RBMS1: variants seen among roughly 807,000 people sequenced by gnomAD.
The protein encoded by RBMS1 is RNA-binding motif, single-stranded-interacting protein 1.
RBMS1 carries 17 observed loss-of-function variants against 62.3 expected under a neutral mutation model. That is an observed-to-expected ratio of 0.27 (90% confidence interval 0.19 to 0.41). The LOEUF (loss-of-function observed/expected upper bound fraction) is 0.41. RBMS1 is among the 10% of genes least tolerant of loss of function. The pLI is 1.00. For missense variants in RBMS1, 334 were observed against 504.5 expected (o/e 0.66, Z 3.24); for synonymous variants, 172 against 170.0 (o/e 1.01, Z -0.09).
chr2:160,455,157 C>A lies in RBMS1; in HGVS notation c.75+38132G>T, dbSNP rs114702230. 7.4e-3 allele frequency among the ~76,000 whole-genome samples: 1,125 copies of A among 152,218 alleles called. 18 individuals carry two copies. The highest frequency in any genetic ancestry group is 0.024 in the African/African-American group (1,015 of 41,528). The stretch of plus-strand genomic sequence containing the variant: ...TAAAGCCTCTTTTCAAGAAAAAGAC[C>A]GGTATCTGATGTCAATTGAAACTCA... On this transcript the variant is annotated intron_variant, in intron 1 of 13. Coordinates refer to ENST00000348849, the MANE Select transcript of RBMS1 (RefSeq NM_016836.4).
rs114072659 is a variant in RBMS1, at chr2:160,327,512, C to A, written c.252-9285G>T. 3.9e-3 allele frequency among the ~76,000 whole-genome samples: 589 copies of A among 151,922 alleles called. 6 individuals are homozygous for A. Among genetic ancestry groups the A allele is most frequent in the African/African-American group, 0.014 (572 of 41,548 alleles). ...ATTATAAAGCATTTGATTTATTACA[C>A]AGACTTGCTATTATAGTTTAGTATC... is the stretch of plus-strand genomic sequence containing the variant. On this transcript the variant is annotated intron_variant, in intron 2 of 13. Coordinates refer to ENST00000348849, the MANE Select transcript of RBMS1 (RefSeq NM_016836.4).
At chr2:160,470,554 C>T (rs1473560921) in intron 1 of RBMS1, among the ~76,000 whole-genome samples, 1 of 152,162 alleles carries the variant, frequency 6.6e-6, no homozygotes, top group East Asian at 1.9e-4. Flanking sequence ...TCTATACCTG[C>T]CAGGAAATTC....
intron 1 of RBMS1, among the ~76,000 whole-genome samples, chr2:160,380,913 G>GA (rs1212540536): frequency 1.3e-5 from 2 of 152,148 alleles, no homozygotes; most frequent in Admixed American, 6.6e-5. Flanking sequence ...ACCTTTAGAA[G>GA]AACTTCCATC....
chr2:160,382,576 G>T (rs1694333301), intron 1 of RBMS1, among the ~76,000 whole-genome samples: 1 of 152,196 alleles, frequency 6.6e-6, no homozygotes, highest in African/African-American at 2.4e-5. Context: ...TCAAGAAGAT[G>T]TAATCACTTT....
rs72972877 is a variant in RBMS1, at chr2:160,340,488, G to C, written c.252-22261C>G. On this transcript the variant is annotated intron_variant, in intron 2 of 13. Transcript: ENST00000348849. ...CGCTAGCATACCTCAGGGTACATGGGGGAAAGGGTGGAACAGAGACCCTAA... is the reference window on the plus strand; with the variant it reads ...CGCTAGCATACCTCAGGGTACATGGCGGAAAGGGTGGAACAGAGACCCTAA... Among the ~76,000 whole-genome samples the C allele has an allele frequency of 3.3e-3, 496 of 152,212 alleles. 2 individuals are homozygous for C. Among genetic ancestry groups the C allele is most frequent in the Middle Eastern group, 0.01 (3 of 294 alleles).
chr2:160,417,857 C>T (rs1696264463), intron 1 of RBMS1, among the ~76,000 whole-genome samples: 1 of 152,178 alleles, frequency 6.6e-6, no homozygotes, highest in African/African-American at 2.4e-5. Context: ...TAAGTTTTTA[C>T]AAGTAAATGA....
At chr2:160,408,455 C>T (rs1695887735) in intron 1 of RBMS1, 1 of 152,208 alleles carries the variant, frequency 6.6e-6, no homozygotes. Context: ...CTCCCCAGCC[C>T]CTCACCCAAA....
intron 3 of RBMS1, among the ~76,000 whole-genome samples, chr2:160,316,622 C>T (rs1475613186): frequency 3.9e-5 from 6 of 152,146 alleles, no homozygotes; most frequent in Non-Finnish European, 8.8e-5. Context: ...GAATAGGTTG[C>T]TTTTGGAGCA....
At chr2:160,450,370 ATC>A (rs745458471) in intron 1 of RBMS1, among the ~76,000 whole-genome samples, 19 of 151,928 alleles carry the variant, frequency 1.3e-4, no homozygotes, top group Non-Finnish European at 2.5e-4. Flanking sequence ...GTGAAACCCC[ATC>A]TCTACTAAAT....
At chr2:160,457,780 G>A (rs1050231237) in intron 1 of RBMS1, among the ~76,000 whole-genome samples, 3 of 151,816 alleles carry the variant, frequency 2.0e-5, no homozygotes, top group Non-Finnish European at 4.4e-5. Flanking sequence ...ACAGGTGCCA[G>A]CTTGAAAGTC....
chr2:160,275,578 A>C (rs1687791530), intron 13 of RBMS1, 52 bp downstream of exon 13: 4 of 1,595,032 alleles, frequency 2.5e-6, no homozygotes, highest in Non-Finnish European at 3.4e-6. Flanking sequence ...AAAAAGCCCT[A>C]TAGATTGTGC....
chr2:160,337,236 C>T (rs1417031469), intron 2 of RBMS1, among the ~76,000 whole-genome samples: 2 of 150,762 alleles, frequency 1.3e-5, no homozygotes, highest in African/African-American at 4.9e-5. Flanking sequence ...TGGGTTCAAG[C>T]GATCCTCCTG....
chr2:160,399,834 G>T (rs546307530), intron 1 of RBMS1, among the ~76,000 whole-genome samples: 70 of 152,106 alleles, frequency 4.6e-4, no homozygotes, highest in African/African-American at 1.7e-3. Context: ...CGATAGGACC[G>T]ATAACTAAGA....
At chr2:160,326,756 C>T (rs542919547) in intron 2 of RBMS1, among the ~76,000 whole-genome samples, 16 of 152,076 alleles carry the variant, frequency 1.1e-4, no homozygotes, top group East Asian at 3.9e-4. Flanking sequence ...GATGACGAGA[C>T]GGAGGGGGTG....
At chr2:160,353,023 C>A (rs1201135993) in intron 2 of RBMS1, among the ~76,000 whole-genome samples, 1 of 151,984 alleles carries the variant, frequency 6.6e-6, no homozygotes, top group East Asian at 1.9e-4. Context: ...AAATTAAAAC[C>A]TTTTGCAGCT....
chr2:160,285,073 T>C (rs746557275), intron 7 of RBMS1, 29 bp from the exon 8 acceptor site: 6 of 1,596,718 alleles, frequency 3.8e-6, no homozygotes, highest in South Asian at 3.3e-5. Flanking sequence ...AATATAAACA[T>C]TCATCTAGAA....
chr2:160,348,611 C>T (rs919321050), intron 2 of RBMS1, among the ~76,000 whole-genome samples: 2 of 152,118 alleles, frequency 1.3e-5, no homozygotes, highest in Non-Finnish European at 2.9e-5. Flanking sequence ...TAATGACTAT[C>T]AACCTGCACT....
At chr2:160,300,825 G>A in intron 5 of RBMS1, 95 bp from the exon 6 acceptor site, 1 of 1,285,446 alleles carries the variant, frequency 7.8e-7, no homozygotes, top group Non-Finnish European at 1.0e-6. Flanking sequence ...AGGTTTTTTG[G>A]ATATAAATGA....
At chr2:160,392,217 C>T (rs1694902351) in intron 1 of RBMS1, among the ~76,000 whole-genome samples, 2 of 152,188 alleles carry the variant, frequency 1.3e-5, no homozygotes, top group Non-Finnish European at 1.5e-5. Flanking sequence ...TCCTTCTGTG[C>T]ATCTTCTGGT....
Sources: gnomAD v4.1 joint callset for allele counts (sites outside exome capture counted in the v4.1 genomes callset) on GRCh38, gnomAD v4.1.1 for gene constraint, MANE v1.5 for transcripts, NCBI Gene and HGNC (gene_info 2026-07-23, HGNC 2026-07-21) for gene names.